PIDD1: variants seen among roughly 807,000 people sequenced by gnomAD.
The protein encoded by PIDD1 is p53-induced death domain protein 1.
Under a neutral mutation model 80.0 loss-of-function variants are expected in PIDD1, and 72 were observed. The ratio of observed to expected loss-of-function variants is 0.90; its 90% CI spans 0.74 to 1.09. The LOEUF is 1.09. PIDD1 is among the 50% of genes least tolerant of loss of function. The pLI is 0.00. For missense variants in PIDD1, 1,329 were observed against 1,228.3 expected, an observed-to-expected ratio of 1.08 and a Z score of -1.23; for synonymous variants, 655 against 543.5, an observed-to-expected ratio of 1.21 and a Z score of -2.85.
In PIDD1 at chr11:804,148, T is replaced by C; in HGVS notation, c.241A>G (p.Thr81Ala). 3 of 1,612,960 alleles carry C rather than the reference T, an allele frequency of 1.9e-6. No individual in the cohort carries two copies. The South Asian group carries it at 3.3e-5, about 18-fold the overall frequency. Residue 81 changes from threonine to alanine, a missense_variant, in exon 2 of 16, where the codon ACC becomes GCC. Thr to Ala is a moderately conservative substitution (Grantham distance 58). Transcript: ENST00000347755. Reference sequence around the variant, plus strand: ...AGGCTCTGAGGCAGCTGGGCCAGGGTGGCCTCCAGCAGCTGAGGGTCCTCG... The same window carrying C: ...AGGCTCTGAGGCAGCTGGGCCAGGGCGGCCTCCAGCAGCTGAGGGTCCTCG... ...THEDPQLLEATLAQLPQSLSC... is the reference protein window; with the variant it reads ...THEDPQLLEAALAQLPQSLSC...
rs1416536165 is a variant in PIDD1, at chr11:801,366, C to G, written c.1483-1G>C. 4.4e-6 allele frequency: 7 copies of G among 1,607,938 alleles called. No individual in the cohort carries two copies. Among genetic ancestry groups the G allele is most frequent in the Non-Finnish European group, 5.9e-6 (7 of 1,177,354 alleles). The stretch of plus-strand genomic sequence containing the variant: ...GCTCTCGGCCAGCCATGCGCACCAC[C>G]TGGGGCAGACAGGCCCCCTGAGCAC... On this transcript the variant is annotated splice_acceptor_variant, in intron 8 of 15. Transcript: ENST00000347755. LOFTEE classifies it high-confidence loss of function.
In PIDD1 at chr11:799,365, T is replaced by C. The variant is rs761526748; in HGVS notation, c.2675A>G (p.Lys892Arg). The C allele has an allele frequency of 1.9e-6, 3 of 1,611,340 alleles. No homozygotes were observed. Among genetic ancestry groups the C allele is most frequent in the African/African-American group, 2.7e-5 (2 of 74,930 alleles). Reference sequence around the variant, plus strand: ...CGAGGAGCCAGGCAGAGCGGGGTCCTTGGGGGCCAAGCCCATGCGTCGGAT... The same window carrying C: ...CGAGGAGCCAGGCAGAGCGGGGTCCCTGGGGGCCAAGCCCATGCGTCGGAT... ...DSIRRMGLAP[K>R]DPALPGSSAP... The change falls in exon 16 of 16, where the codon AAG becomes AGG. Residue 892 changes from lysine to arginine, a missense_variant. Transcript: ENST00000347755.
At position 800,927 on chromosome 11, in the gene PIDD1, G is replaced by A. The variant is rs765232008; in HGVS notation, c.1767-15C>T. ...AGAGCCAGTACCTGGGAGAGCTGGG[G>A]GTGAGGAGGGCTGTACAGACTGGGG... On this transcript the variant is annotated splice_polypyrimidine_tract_variant and intron_variant, in intron 10 of 15. Transcript: ENST00000347755. 6.3e-7 allele frequency: 1 copy of A among 1,595,262 alleles called. No individual in the cohort carries two copies. Among genetic ancestry groups the A allele is most frequent in the East Asian group, 2.3e-5 (1 of 44,254 alleles).
At chr11:807,487 A>T (rs556375360), upstream of PIDD1, among the ~76,000 whole-genome samples, 25 of 151,130 alleles carry the variant, frequency 1.7e-4, no homozygotes, top group East Asian at 7.8e-4. Context: ...TCAAAAAAAT[A>T]AAAAAATAGG....
Position 800,578 on chromosome 11 carries a change from A to G in PIDD1, c.2006T>C (p.Phe669Ser). 1 of 1,573,232 alleles carries G rather than the reference A, an allele frequency of 6.4e-7. No individual in the cohort carries two copies. The highest frequency in any genetic ancestry group is 8.6e-7 in the Non-Finnish European group (1 of 1,157,168). ...TVEMFEGEEF[F>S]AAFERGIDVD... is the part of the protein sequence containing the mutation. ...GTCGATGCCGCGCTCGAAGGCCGCA[A>G]AGAACTCTTCGCCCTCGAACATCTC... The change falls in exon 12 of 16, where the codon TTT becomes TCT. Residue 669 changes from phenylalanine (F) to serine (S), a missense_variant. By Grantham distance (155) the Phe-to-Ser change is radical. Coordinates refer to ENST00000347755, the MANE Select transcript of PIDD1 (RefSeq NM_145886.4).
chr11:803,306 G>C lies in PIDD1; in HGVS notation c.577C>G (p.Leu193Val). The C allele has an allele frequency of 6.2e-7, 1 of 1,613,786 alleles. No homozygotes were observed. Among genetic ancestry groups the C allele is most frequent in the Non-Finnish European group, 8.5e-7 (1 of 1,179,846 alleles). Residue 193 changes from leucine (L) to valine (V), a missense_variant, in exon 3 of 16, where the codon CTA becomes GTA. Transcript: ENST00000347755. ...LQTLPPALGA[L>V]STLQRLDLSQ... is the part of the protein sequence containing the mutation. ...AGATCGAGGCGCTGCAGGGTGGATA[G>C]GGCCCCCAGTGCTGGGGGCAGCGTC... is the stretch of plus-strand genomic sequence containing the variant.
At position 800,153 on chromosome 11, in the gene PIDD1, G is replaced by A. The variant is rs1441324220; in HGVS notation, c.2252C>T (p.Ala751Val). The A allele has an allele frequency of 1.9e-6, 3 of 1,610,178 alleles. No individual in the cohort carries two copies. The highest frequency in any genetic ancestry group is 1.7e-6 in the Non-Finnish European group (2 of 1,179,168). ...QRKGADALWM[A>V]TLPIKLPRLR... ...CACCGGCAGCTTGATGGGCAGAGTG[G>A]CCATCCACAGGGCGTCTGCGCCCTT... Residue 751 changes from alanine to valine, a missense_variant, in exon 14 of 16, where the codon GCC (alanine) becomes GTC (valine). Coordinates refer to ENST00000347755, the MANE Select transcript of PIDD1 (RefSeq NM_145886.4).
chr11:803,534 G>C lies in PIDD1; in HGVS notation c.349C>G (p.Leu117Val), dbSNP rs1038346002. The C allele has an allele frequency of 3.1e-6, 5 of 1,613,038 alleles. No homozygotes were observed. The highest frequency in any genetic ancestry group is 3.3e-5 in the Admixed American group (2 of 59,986). ...GACLRGALTN[L>V]PAGLSGLAHL... is the part of the protein sequence containing the mutation. ...GCCAGGCCACTCAGACCAGCGGGCA[G>C]GTTGGTCAGGGCACCCCGGAGACAG... Residue 117 changes from leucine (L) to valine (V), a missense_variant, in exon 3 of 16, where the codon CTG becomes GTG. Coordinates refer to ENST00000347755, the MANE Select transcript of PIDD1 (RefSeq NM_145886.4).
chr11:809,340 C>G (rs942009617), upstream of PIDD1: 2 of 152,266 alleles, frequency 1.3e-5, no homozygotes, highest in Non-Finnish European at 1.5e-5. Flanking sequence ...TGACAGGATG[C>G]CCTGACACCG....
In PIDD1 at chr11:802,819, C is replaced by T. The variant is rs768821461; in HGVS notation, c.782G>A (p.Arg261His). The T allele has an allele frequency of 2.3e-5, 37 of 1,599,960 alleles. No homozygotes were observed. Among genetic ancestry groups the T allele is most frequent in the East Asian group, 6.8e-5 (3 of 44,400 alleles). Residue 261 changes from arginine to histidine, a missense_variant, in exon 4 of 16, where the codon CGC (arginine) becomes CAC (histidine). Physicochemically the swap from Arg to His is conservative, Grantham distance 29 (BLOSUM62 0). Coordinates refer to ENST00000347755, the MANE Select transcript of PIDD1 (RefSeq NM_145886.4). ...GTCGAGCCGGGTGAGGAGTGGAAGG[C>T]GGGCCAAGTCAGCTGGCACAGAGGC... is the stretch of plus-strand genomic sequence containing the variant. ...LLASVPADLA[R>H]LPLLTRLDLR...
intron 7 of PIDD1, 21 bp downstream of exon 7, chr11:801,944 G>A: frequency 6.3e-7 from 1 of 1,596,298 alleles, no homozygotes; most frequent in Non-Finnish European, 8.5e-7. Context: ...CTCGCCACCG[G>A]CAGGCCTGGG....
In PIDD1 at chr11:804,312, C is replaced by T. The variant is rs775662261; in HGVS notation, c.77G>A (p.Gly26Glu). 6.2e-7 allele frequency: 1 copy of T among 1,612,538 alleles called. No individual in the cohort carries two copies. The highest frequency in any genetic ancestry group is 1.3e-5 in the African/African-American group (1 of 74,932). The change falls in exon 2 of 16, where the codon GGG becomes GAG. Residue 26 changes from glycine (G) to glutamate (E), a missense_variant. Gly to Glu is a moderately conservative substitution (Grantham distance 98, BLOSUM62 -2). Transcript: ENST00000347755. ...GCCCAGGAAAGGCAGCGCCCTGGAC[C>T]CTGCGTCCGAATCCTCTGAAGCATC... ...AGDASEDSDA[G>E]SRALPFLGGN...
chr11:803,672 C>T (rs752082264), intron 2 of PIDD1, 85 bp from the exon 3 acceptor site: 17 of 1,487,516 alleles, frequency 1.1e-5, no homozygotes, highest in Non-Finnish European at 1.5e-5. Flanking sequence ...AACAGCTGCT[C>T]GAGAGGCACA....
Position 800,127 on chromosome 11 carries a change from C to T in PIDD1, c.2274+4G>A. On this transcript the variant is annotated splice_donor_region_variant and intron_variant, in intron 14 of 15. Coordinates refer to ENST00000347755, the MANE Select transcript of PIDD1 (RefSeq NM_145886.4). Reference sequence around the variant, plus strand: ...CCCGCCCCTCTGCTGTCCCTCAGTCCCACCGGCAGCTTGATGGGCAGAGTG... The same window carrying T: ...CCCGCCCCTCTGCTGTCCCTCAGTCTCACCGGCAGCTTGATGGGCAGAGTG... The T allele has an allele frequency of 6.2e-7, 1 of 1,609,508 alleles. No individual in the cohort carries two copies. Among genetic ancestry groups the T allele is most frequent in the East Asian group, 2.2e-5 (1 of 44,778 alleles).
intron 1 of PIDD1, 82 bp downstream of exon 1, chr11:805,097 G>A: frequency 1.8e-6 from 1 of 553,310 alleles, no homozygotes; most frequent in Non-Finnish European, 2.3e-6. Flanking sequence ...TCCCCCGGGC[G>A]TCGGGGATGG....
intron 1 of PIDD1, 45 bp from the exon 2 acceptor site, chr11:804,508 T>A: frequency 6.9e-7 from 1 of 1,439,984 alleles, no homozygotes; most frequent in African/African-American, 1.4e-5. Flanking sequence ...GGGTGGGCCC[T>A]TCTCTTTGGG....
At position 804,266 on chromosome 11, in the gene PIDD1, G is replaced by A; in HGVS notation, c.123C>T (p.Asp41=). The A allele has an allele frequency of 6.2e-7, 1 of 1,613,056 alleles. No individual in the cohort carries two copies. ...PFLGGNRLSL[D]LYPGGCQQLL... is the part of the protein sequence containing the mutation. Reference sequence around the variant, plus strand: ...GCTGCTGGCAGCCCCCGGGGTACAGGTCCAAGCTCAGCCGGTTGCCGCCCA... The same window carrying A: ...GCTGCTGGCAGCCCCCGGGGTACAGATCCAAGCTCAGCCGGTTGCCGCCCA... The change falls in exon 2 of 16, where the codon GAC becomes GAT. Residue 41 remains aspartate, a synonymous_variant. Transcript: ENST00000347755.
chr11:809,136 AC>A (rs17156086), upstream of PIDD1, among the ~76,000 whole-genome samples: 7,545 of 152,188 alleles, frequency 0.05, 476 homozygotes, highest in East Asian at 0.26. Context: ...GGCAGGGCCA[AC>A]CCTGTTCCCT....
rs201571144 is a variant in PIDD1 at position 800,000 on chromosome 11, G to A, written c.2289C>T (p.Ser763=). The A allele has an allele frequency of 4.9e-5, 79 of 1,612,714 alleles. No individual in the cohort carries two copies. In the East Asian group the frequency reaches 1.2e-3, roughly 25 times the overall value. The change falls in exon 15 of 16, where the codon TCC becomes TCT. Residue 763 remains serine, a synonymous_variant. Transcript: ENST00000347755. ...GGCCAGCCCCCCGCCGTGGCCCCTCGGACCCTCGAAGTCTCTGTTGGAAGG... is the reference window on the plus strand; with the variant it reads ...GGCCAGCCCCCCGCCGTGGCCCCTCAGACCCTCGAAGTCTCTGTTGGAAGG... ...LPIKLPRLRG[S]EGPRRGAGLS...
Sources: allele counts gnomAD v4.1 joint callset (sites outside exome capture counted in the v4.1 genomes callset), GRCh38; gene constraint gnomAD v4.1.1; transcripts MANE v1.5; gene names NCBI Gene and HGNC (gene_info 2026-07-23, HGNC 2026-07-21).